SNX7: variants seen among roughly 807,000 people sequenced by gnomAD.
SNX7 encodes the protein sorting nexin-7.
A neutral mutation model predicts 48.4 loss-of-function variants in SNX7; 35 were observed. The ratio of observed to expected loss-of-function variants is 0.72; its 90% CI spans 0.55 to 0.96. The LOEUF (loss-of-function observed/expected upper bound fraction) is 0.96, where lower values mean the gene tolerates loss of function less well. SNX7 is among the 40% of genes least tolerant of loss of function. The pLI is 0.00. For missense variants in SNX7, 553 were observed against 548.9 expected (o/e 1.01, Z -0.07); for synonymous variants, 190 against 190.2 (o/e 1.00, Z 0.01).
At chr1:98,671,606 C>G (rs1649867036) in intron 1 of SNX7, among the ~76,000 whole-genome samples, 2 of 151,846 alleles carry the variant, frequency 1.3e-5, no homozygotes, top group South Asian at 4.1e-4. Flanking sequence ...AGATAATTAA[C>G]CAGATTGTAC....
chr1:98,663,264 T>G lies in SNX7; in HGVS notation c.180+1353T>G, dbSNP rs1220667246. On this transcript the variant is annotated intron_variant, in intron 1 of 8. Transcript: ENST00000306121. ...AGGGTTTCTTTCTGGTTTTTTTTTT[T>G]TTTTTTTTTTTTTTTTTTTTTTTTT... 1.6e-3 allele frequency among the ~76,000 whole-genome samples: 82 copies of G among 50,280 alleles called. 2 individuals are homozygous for G. Among genetic ancestry groups the G allele is most frequent in the Admixed American group, 4.0e-3 (19 of 4,768 alleles). The allele number at this position is 50,280 out of a possible 152,430, so 33.0% of individuals were successfully genotyped here. A position where few individuals can be genotyped will look rare whatever the true frequency, so the allele number is the denominator to read the frequency against.
At chr1:98,727,314 C>G (rs954872149) in intron 7 of SNX7, among the ~76,000 whole-genome samples, 1 of 152,174 alleles carries the variant, frequency 6.6e-6, no homozygotes, top group Non-Finnish European at 1.5e-5. Flanking sequence ...GAAAAACAAA[C>G]AGCAGCAACA....
intron 5 of SNX7, among the ~76,000 whole-genome samples, chr1:98,698,335 A>T (rs1243199113): frequency 6.6e-6 from 1 of 152,184 alleles, no homozygotes; most frequent in Non-Finnish European, 1.5e-5. Context: ...AGTCAGAAGA[A>T]GGGGAGAAAG....
intron 7 of SNX7, among the ~76,000 whole-genome samples, chr1:98,735,377 C>G (rs1038451789): frequency 6.6e-6 from 1 of 152,062 alleles, no homozygotes; most frequent in Non-Finnish European, 1.5e-5. Context: ...TTTTTACCTT[C>G]CTTTTTTCCA....
chr1:98,737,133 C>T (rs1557831288), intron 7 of SNX7, among the ~76,000 whole-genome samples: 1 of 151,842 alleles, frequency 6.6e-6, no homozygotes, highest in Non-Finnish European at 1.5e-5. Flanking sequence ...TCTTAAATCA[C>T]CTAGGCATGC....
intron 8 of SNX7, among the ~76,000 whole-genome samples, chr1:98,757,351 T>A (rs1358231400): frequency 6.6e-6 from 1 of 151,998 alleles, no homozygotes; most frequent in Non-Finnish European, 1.5e-5. Flanking sequence ...GATCAAGGTG[T>A]CAGCAGGCTG....
chr1:98,661,419 C>G (rs377244659), upstream of SNX7, among the ~76,000 whole-genome samples: 492 of 152,268 alleles, frequency 3.2e-3, 3 homozygotes, highest in African/African-American at 0.011. Flanking sequence ...CGGTGGCCCC[C>G]GACTGGGTCA....
At chr1:98,682,324 C>T (rs1489840380) in intron 1 of SNX7, among the ~76,000 whole-genome samples, 1 of 152,080 alleles carries the variant, frequency 6.6e-6, no homozygotes, top group Non-Finnish European at 1.5e-5. Context: ...GCAAAACTGT[C>T]AATGTAGAAC....
intron 1 of SNX7, among the ~76,000 whole-genome samples, chr1:98,663,530 T>C (rs543845829): frequency 1.3e-5 from 2 of 152,138 alleles, no homozygotes; most frequent in Admixed American, 6.5e-5. Context: ...GCGCTATTCG[T>C]TTGCTTAGAC....
At chr1:98,753,469 C>A (rs1384637442) in intron 8 of SNX7, among the ~76,000 whole-genome samples, 1 of 152,036 alleles carries the variant, frequency 6.6e-6, no homozygotes, top group East Asian at 1.9e-4. Flanking sequence ...AGTTTGTTCA[C>A]TTGAGGGCTA....
chr1:98,732,678 C>T (rs542869672), intron 7 of SNX7, among the ~76,000 whole-genome samples: 2 of 152,046 alleles, frequency 1.3e-5, no homozygotes, highest in African/African-American at 2.4e-5. Flanking sequence ...CAAGAGCATC[C>T]ATAATTGATT....
intron 8 of SNX7, among the ~76,000 whole-genome samples, chr1:98,740,225 T>C (rs146121121): frequency 1.3e-3 from 202 of 152,324 alleles, no homozygotes; most frequent in African/African-American, 4.6e-3. Flanking sequence ...ATATAAAGTA[T>C]TTCTTTTTAA....
intron 1 of SNX7, among the ~76,000 whole-genome samples, chr1:98,664,809 T>C (rs75480123): frequency 0.016 from 2,378 of 152,128 alleles, 28 homozygotes; most frequent in Non-Finnish European, 0.026. Context: ...AGGACATTGA[T>C]TTAAAAGAAC....
intron 1 of SNX7, among the ~76,000 whole-genome samples, chr1:98,684,496 G>T (rs531126672): frequency 5.9e-5 from 9 of 152,178 alleles, no homozygotes; most frequent in African/African-American, 1.7e-4. Context: ...GCACTAGCTC[G>T]TTCCCTACAG....
intron 8 of SNX7, among the ~76,000 whole-genome samples, chr1:98,758,742 A>C (rs529286461): frequency 6.6e-6 from 1 of 152,104 alleles, no homozygotes; most frequent in Non-Finnish European, 1.5e-5. Flanking sequence ...TTTTTATTTG[A>C]CAATTAGGTC....
At chr1:98,738,110 T>A (rs1387164219) in intron 7 of SNX7, 127 bp from the exon 8 acceptor site, 1 of 913,836 alleles carries the variant, frequency 1.1e-6, no homozygotes, top group Non-Finnish European at 1.6e-6. Context: ...GAGTAAATAC[T>A]GGTGATTAAA....
In SNX7 at chr1:98,685,044, A is replaced by G. The variant is rs773214449; in HGVS notation, c.340A>G (p.Ile114Val). 6.4e-7 allele frequency: 1 copy of G among 1,563,570 alleles called. No homozygotes were observed. Among genetic ancestry groups the G allele is most frequent in the Non-Finnish European group, 8.7e-7 (1 of 1,151,268 alleles). Residue 114 changes from isoleucine to valine, a missense_variant, in exon 2 of 9, where the codon ATT (isoleucine) becomes GTT (valine). Transcript: ENST00000306121. ...ESHVTTIETF[I>V]TYRIITKTSR... ...TCATGTTACTACAATAGAAACTTTCATTACGTATAGGATTATTACTAAGGT... is the reference window on the plus strand; with the variant it reads ...TCATGTTACTACAATAGAAACTTTCGTTACGTATAGGATTATTACTAAGGT...
chr1:98,711,884 T>C (rs1346191519), intron 7 of SNX7, among the ~76,000 whole-genome samples: 1 of 152,230 alleles, frequency 6.6e-6, no homozygotes, highest in Non-Finnish European at 1.5e-5. Flanking sequence ...TTGCCACTGC[T>C]GTATCAACTA....
chr1:98,689,800 ATTATT>A (rs1651015483), intron 2 of SNX7, among the ~76,000 whole-genome samples: 1 of 152,190 alleles, frequency 6.6e-6, no homozygotes, highest in South Asian at 2.1e-4. Flanking sequence ...ACCAGTCTAT[ATTATT>A]AAACTGTGCT....
Sources: gnomAD v4.1 joint callset for allele counts (sites outside exome capture counted in the v4.1 genomes callset) on GRCh38, gnomAD v4.1.1 for gene constraint, MANE v1.5 for transcripts, NCBI Gene and HGNC (gene_info 2026-07-23, HGNC 2026-07-21) for gene names.